Variants in CCDC178 observed in about 807,000 individuals in gnomAD.
CCDC178 encodes the protein coiled-coil domain containing 178, also known as coiled-coil domain-containing protein 178.
CCDC178 carries 126 observed loss-of-function variants against 117.4 expected under a neutral mutation model. The ratio of observed to expected loss-of-function variants is 1.07; its 90% CI spans 0.93 to 1.24. The LOEUF is 1.24. Among genes scored for constraint, CCDC178 ranks in the 50% most tolerant of loss-of-function variants. CCDC178 has a pLI of 0.00. For synonymous variants in CCDC178, 283 were observed against 313.4 expected (o/e 0.90, Z 1.02); for missense variants, 1,030 against 986.9 (o/e 1.04, Z -0.59).
At chr18:32,991,955 G>A (rs1341057448) in intron 21 of CCDC178, among the ~76,000 whole-genome samples, 1 of 152,178 alleles carries the variant, frequency 6.6e-6, no homozygotes, top group Non-Finnish European at 1.5e-5. Flanking sequence ...TGTTGTGTTT[G>A]TGGTATAAAG....
chr18:33,332,538 A>T (rs907853167), intron 10 of CCDC178, among the ~76,000 whole-genome samples: 1 of 152,094 alleles, frequency 6.6e-6, no homozygotes, highest in Admixed American at 6.6e-5. Context: ...TATGGCTTAA[A>T]AAAAAACCCC....
At chr18:33,367,024 A>G (rs553726308) in intron 6 of CCDC178, among the ~76,000 whole-genome samples, 51 of 152,192 alleles carry the variant, frequency 3.4e-4, no homozygotes, top group African/African-American at 1.2e-3. Flanking sequence ...GACATTCTGG[A>G]GGAAAAATGC....
chr18:32,938,391 C>A, intron 22 of CCDC178: 1 of 229,704 alleles, frequency 4.4e-6, no homozygotes, highest in Non-Finnish European at 8.4e-6. Context: ...TGTCCCATTA[C>A]AAAGATTTTA....
In CCDC178 at chr18:33,254,075, A is replaced by G. The variant is rs541434594; in HGVS notation, c.1410-8647T>C. Among the ~76,000 whole-genome samples the G allele has an allele frequency of 3.9e-4, 60 of 152,016 alleles. No homozygotes were observed. The Middle Eastern group carries it at 0.01, about 26-fold the overall frequency. ...ACAATGAGAGGGAAAAAATATAAGAAAAATAATCATTAGTCTTGCTTTGGA... is the reference window on the plus strand; with the variant it reads ...ACAATGAGAGGGAAAAAATATAAGAGAAATAATCATTAGTCTTGCTTTGGA... On this transcript the variant is annotated intron_variant, in intron 14 of 22. Coordinates refer to ENST00000383096, the MANE Select transcript of CCDC178 (RefSeq NM_001105528.4).
At chr18:33,216,038 C>T (rs1451764035) in intron 18 of CCDC178, among the ~76,000 whole-genome samples, 1 of 151,906 alleles carries the variant, frequency 6.6e-6, no homozygotes, top group African/African-American at 2.4e-5. Flanking sequence ...GTCAAGGATG[C>T]AATGAGCCAT....
chr18:33,051,765 T>C (rs1296243694), intron 21 of CCDC178, among the ~76,000 whole-genome samples: 1 of 152,176 alleles, frequency 6.6e-6, no homozygotes, highest in African/African-American at 2.4e-5. Flanking sequence ...AAAACCTCCT[T>C]AGATATATTT....
chr18:33,380,939 G>A (rs1003770361), intron 5 of CCDC178, among the ~76,000 whole-genome samples: 25 of 151,684 alleles, frequency 1.6e-4, no homozygotes, highest in African/African-American at 4.6e-4. Context: ...ATCGAGGCAC[G>A]TCTACTATCT....
At chr18:33,336,704 A>G (rs1418079534) in intron 9 of CCDC178, among the ~76,000 whole-genome samples, 1 of 152,114 alleles carries the variant, frequency 6.6e-6, no homozygotes, top group Non-Finnish European at 1.5e-5. Context: ...ACCCAACAAC[A>G]GCAGAGTATA....
intron 15 of CCDC178, among the ~76,000 whole-genome samples, chr18:33,235,952 G>A (rs1272238721): frequency 6.6e-6 from 1 of 152,090 alleles, no homozygotes; most frequent in Non-Finnish European, 1.5e-5. Flanking sequence ...TGAAAATATG[G>A]AAAAACTGGG....
At chr18:33,344,427 C>T (rs549086287) in intron 9 of CCDC178, among the ~76,000 whole-genome samples, 11 of 151,310 alleles carry the variant, frequency 7.3e-5, no homozygotes, top group Non-Finnish European at 1.3e-4. Context: ...CTAAGTAGAT[C>T]TTGTATTGAT....
At chr18:33,395,391 A>G (rs986408152) in intron 4 of CCDC178, among the ~76,000 whole-genome samples, 4 of 152,018 alleles carry the variant, frequency 2.6e-5, no homozygotes, top group Admixed American at 6.6e-5. Context: ...TTAAATTTGG[A>G]TAACAATTGG....
chr18:33,028,618 T>C (rs1472658672), intron 21 of CCDC178, among the ~76,000 whole-genome samples: 1 of 151,868 alleles, frequency 6.6e-6, no homozygotes, highest in Non-Finnish European at 1.5e-5. Context: ...TTAATTATTT[T>C]CCTGATTACT....
intron 5 of CCDC178, among the ~76,000 whole-genome samples, chr18:33,372,490 T>C (rs2063312471): frequency 6.6e-6 from 1 of 152,098 alleles, no homozygotes; most frequent in East Asian, 1.9e-4. Flanking sequence ...ATTCCAAACA[T>C]AAATCGAGGG....
At chr18:33,415,941 T>A (rs1212865096) in intron 2 of CCDC178, among the ~76,000 whole-genome samples, 1 of 151,946 alleles carries the variant, frequency 6.6e-6, no homozygotes, top group Non-Finnish European at 1.5e-5. Context: ...ATTTCTGAGA[T>A]TTTCTCTATG....
At chr18:33,289,525 A>T (rs976556228) in intron 12 of CCDC178, among the ~76,000 whole-genome samples, 4 of 152,110 alleles carry the variant, frequency 2.6e-5, no homozygotes, top group African/African-American at 9.7e-5. Flanking sequence ...GAGGCTGGAG[A>T]ATCACTTGAA....
Position 33,024,627 on chromosome 18 carries a change from C to CTTTATTATTTATTA in CCDC178, c.2389-49947_2389-49946insTAATAAATAATAAA, listed in dbSNP as rs1362944633. 1.1e-4 allele frequency among the ~76,000 whole-genome samples: 17 copies of CTTTATTATTTATTA among 151,860 alleles called. No homozygotes were observed. In the East Asian group the frequency reaches 3.3e-3, roughly 29 times the overall value. On this transcript the variant is annotated intron_variant, in intron 21 of 22. Transcript: ENST00000383096. ...ACATATTTTACAGAAAATAGGAACACTTATTTATTATTATTATTATTATCA... is the reference window on the plus strand; with the variant it reads ...ACATATTTTACAGAAAATAGGAACACTTTATTATTTATTATTATTTATTATTATTATTATTATCA...
At chr18:33,180,353 C>T (rs1220987882) in intron 20 of CCDC178, among the ~76,000 whole-genome samples, 1 of 151,632 alleles carries the variant, frequency 6.6e-6, no homozygotes, top group Non-Finnish European at 1.5e-5. Flanking sequence ...AACTGGATTA[C>T]CTTTATTAGT....
chr18:33,363,192 C>T (rs1288133718), intron 6 of CCDC178, among the ~76,000 whole-genome samples: 1 of 151,740 alleles, frequency 6.6e-6, no homozygotes, highest in African/African-American at 2.4e-5. Flanking sequence ...TTTAATAAAG[C>T]AAATAAAGCA....
intron 21 of CCDC178, among the ~76,000 whole-genome samples, chr18:33,007,134 G>A (rs1027099083): frequency 3.3e-5 from 5 of 151,868 alleles, no homozygotes; most frequent in African/African-American, 4.8e-5. Flanking sequence ...AAACTACTTC[G>A]GTATAGGAGA....
Sources: gnomAD v4.1 joint callset for allele counts (sites outside exome capture counted in the v4.1 genomes callset) on GRCh38, gnomAD v4.1.1 for gene constraint, MANE v1.5 for transcripts, NCBI Gene and HGNC (gene_info 2026-07-23, HGNC 2026-07-21) for gene names.